Variants in MCF2 observed in about 807,000 individuals in gnomAD.
MCF2 encodes the protein MCF.2 cell line derived transforming sequence.
A neutral mutation model predicts 82.5 loss-of-function variants in MCF2; 44 were observed. The ratio of observed to expected loss-of-function variants is 0.53; its 90% CI spans 0.42 to 0.69. MCF2 has a LOEUF of 0.69. Among genes scored for constraint, MCF2 ranks in the 30% least tolerant of loss-of-function variants. MCF2 has a pLI of 0.00. For synonymous variants in MCF2, 217 were observed against 224.9 expected, an observed-to-expected ratio of 0.96 and a Z score of 0.32; for missense variants, 623 against 663.1, an observed-to-expected ratio of 0.94 and a Z score of 0.66.
intron 24 of MCF2, among the ~76,000 whole-genome samples, chrX:139,584,499 C>A (rs1469654713): frequency 1.8e-5 from 2 of 111,262 alleles, no homozygotes; most frequent in African/African-American, 6.5e-5. Flanking sequence ...CCACTGGTAT[C>A]CTACCAACTT....
At chrX:139,692,452 G>A (rs760381298) in intron 1 of MCF2, among the ~76,000 whole-genome samples, 1 of 111,759 alleles carries the variant, frequency 8.9e-6, no homozygotes, top group Admixed American at 9.3e-5. Context: ...CGCTGCGAGG[G>A]CAACTCTCCC....
intron 1 of MCF2, among the ~76,000 whole-genome samples, chrX:139,690,983 T>C (rs987890358): frequency 9.0e-6 from 1 of 111,518 alleles, no homozygotes; most frequent in African/African-American, 3.3e-5. Context: ...GCATCCTCCC[T>C]GCTACATCAA....
chrX:139,663,077 A>G (rs1934400552), intron 1 of MCF2, among the ~76,000 whole-genome samples: 1 of 112,097 alleles, frequency 8.9e-6, no homozygotes, highest in African/African-American at 3.2e-5. Context: ...ATATTTTTCT[A>G]TCGTGAATAA....
chrX:139,678,401 T>C (rs1934922982), intron 1 of MCF2, among the ~76,000 whole-genome samples: 1 of 111,472 alleles, frequency 9.0e-6, no homozygotes. Flanking sequence ...CTGTGTAACC[T>C]ATGGGTAGGA....
chrX:139,674,281 C>T (rs936203890), intron 1 of MCF2, among the ~76,000 whole-genome samples: 2 of 111,717 alleles, frequency 1.8e-5, no homozygotes, highest in Non-Finnish European at 3.8e-5. Flanking sequence ...ATCCAATTTG[C>T]CTGTCTGTGT....
intron 1 of MCF2, among the ~76,000 whole-genome samples, chrX:139,681,575 A>C (rs1934999914): frequency 8.9e-6 from 1 of 112,283 alleles, no homozygotes; most frequent in South Asian, 3.7e-4. Context: ...TGTGTATCAA[A>C]ATTTTCGTAA....
upstream of MCF2, chrX:139,646,819 T>C: frequency 8.6e-7 from 1 of 1,164,233 alleles, no homozygotes; most frequent in Non-Finnish European, 1.2e-6. Flanking sequence ...AGTAAGTACT[T>C]TTGCTATTAC....
chrX:139,620,027 G>GTGTGTGTGTGTGTA (rs1308473149), intron 6 of MCF2, among the ~76,000 whole-genome samples: 31 of 100,400 alleles, frequency 3.1e-4, no homozygotes, highest in African/African-American at 1.2e-3. Context: ...GTGTGTGTGT[G>GTGTGTGTGTGTGTA]TATATATATA....
chrX:139,675,194 AT>A (rs939798704), intron 1 of MCF2, among the ~76,000 whole-genome samples: 6 of 107,533 alleles, frequency 5.6e-5, no homozygotes, highest in African/African-American at 2.3e-4. Flanking sequence ...CTAGTTCGCC[AT>A]TCGTCTAATC....
rs1284629234 is a variant in MCF2 at position 139,704,111 on chromosome X, A to T, written c.-45+3995T>A. 1.6e-4 allele frequency among the ~76,000 whole-genome samples: 18 copies of T among 111,658 alleles called. No homozygotes were observed. The Admixed American group carries it at 1.6e-3, about 10-fold the overall frequency. On this transcript the variant is annotated intron_variant, in intron 1 of 27. Coordinates refer to the MCF2 transcript ENST00000414978. ...AAAAAACATACGTCAAAATAATAAC[A>T]GCCATTTATGACAAACCCACAGTAA...
At chrX:139,616,398 C>T (rs371783595) in exon 9 of MCF2, 3 of 1,182,229 alleles carry the variant, frequency 2.5e-6, no homozygotes, top group Middle Eastern at 2.4e-4. Flanking sequence ...GCTTTCTGAG[C>T]ATCTTCTTTA....
At chrX:139,693,715 T>C (rs959441804) in intron 1 of MCF2, among the ~76,000 whole-genome samples, 5 of 111,864 alleles carry the variant, frequency 4.5e-5, no homozygotes, top group African/African-American at 1.6e-4. Context: ...CTGTGGGTAG[T>C]ATGACATTAA....
chrX:139,629,720 C>T (rs1026226998), exon 4 of MCF2: 15 of 1,208,108 alleles, frequency 1.2e-5, no homozygotes, highest in East Asian at 8.9e-5. Flanking sequence ...CCTTTCAGCA[C>T]GAATTGCCAG....
At chrX:139,634,630 T>C (rs1022888280) in intron 1 of MCF2, among the ~76,000 whole-genome samples, 28 of 111,990 alleles carry the variant, frequency 2.5e-4, no homozygotes, top group Non-Finnish European at 7.5e-5. Context: ...TATACATAAA[T>C]TGGGATGGCT....
At chrX:139,609,229 C>CA (rs1180459602) in intron 11 of MCF2, among the ~76,000 whole-genome samples, 30 of 112,138 alleles carry the variant, frequency 2.7e-4, no homozygotes, top group Non-Finnish European at 3.6e-4. Flanking sequence ...TTATTTACCA[C>CA]AAAAAACACA....
chrX:139,707,865 G>T (rs964107545), intron 1 of MCF2, among the ~76,000 whole-genome samples: 14 of 112,029 alleles, frequency 1.2e-4, no homozygotes, highest in Non-Finnish European at 2.6e-4. Context: ...ACAAAGAACT[G>T]TCAGAGAAAC....
chrX:139,625,873 G>T (rs921158329), intron 6 of MCF2, among the ~76,000 whole-genome samples: 1 of 111,653 alleles, frequency 9.0e-6, no homozygotes, highest in Non-Finnish European at 1.9e-5. Flanking sequence ...CCCTTGGAAA[G>T]CTACCTCATA....
chrX:139,598,394 T>A lies in MCF2; in HGVS notation c.1929+12A>T. ...AAAAGTAAAGAAACAAACAAATGCT[T>A]CATATAATTACCTTCAACAATAACT... On this transcript the variant is annotated intron_variant, in intron 17 of 24. Transcript: ENST00000370576. 3.8e-6 allele frequency: 4 copies of A among 1,059,570 alleles called. No individual in the cohort carries two copies. Among genetic ancestry groups the A allele is most frequent in the Non-Finnish European group, 5.2e-6 (4 of 765,929 alleles). The allele number at this position is 1,059,570 out of a possible 1,213,427, so 87.3% of individuals were successfully genotyped here.
At position 139,682,576 on chromosome X, in the gene MCF2, C is replaced by T. The variant is rs184376938; in HGVS notation, c.-45+25530G>A. Among the ~76,000 whole-genome samples the T allele has an allele frequency of 8.3e-3, 934 of 112,160 alleles. 6 individuals carry two copies. The highest frequency in any genetic ancestry group is 0.027 in the African/African-American group (848 of 30,877). On this transcript the variant is annotated intron_variant, in intron 1 of 27. Coordinates refer to the MCF2 transcript ENST00000414978. ...GTAGATCTGGTCCAAGTCCATTTAT[C>T]GAGCCACTGCAGTCTATTTTCCTAA...
Sources: gnomAD v4.1 joint callset for allele counts (sites outside exome capture counted in the v4.1 genomes callset) on GRCh38, gnomAD v4.1.1 for gene constraint, MANE v1.5 for transcripts, NCBI Gene and HGNC (gene_info 2026-07-23, HGNC 2026-07-21) for gene names.